ZNF831: variants seen among roughly 807,000 people sequenced by gnomAD.
ZNF831 encodes chromosome 20 open reading frame 174.
Under a neutral mutation model 95.8 loss-of-function variants are expected in ZNF831, and 59 were observed. The ratio of observed to expected loss-of-function variants is 0.62; its 90% confidence interval spans 0.50 to 0.77. The LOEUF (loss-of-function observed/expected upper bound fraction) is 0.77. Ranked by LOEUF, ZNF831 falls within the 30% of genes least tolerant of loss-of-function variation. The pLI is 0.00. For missense variants in ZNF831, 2,205 were observed against 2,164.0 expected (o/e 1.02, Z -0.38); for synonymous variants, 961 against 925.5 (o/e 1.04, Z -0.70).
At position 59,208,304 on chromosome 20, in the gene ZNF831, G is replaced by A. The variant is rs1417345086; in HGVS notation, c.4027+1248G>A. On this transcript the variant is annotated intron_variant, in intron 4 of 5. Transcript: ENST00000371030. This position sits in a 1 kb window ranked among gnomAD's most constrained non-coding sequence, Gnocchi z 4.2. ...ATTGGGCTGTGCTTGATACTGCCAC[G>A]CCCCATGGAGGGCATCTCAGGGCTA... 1.3e-5 allele frequency among the ~76,000 whole-genome samples: 2 copies of A among 152,110 alleles called. No homozygotes were observed. The highest frequency in any genetic ancestry group is 1.9e-4 in the East Asian group (1 of 5,170).
Position 59,125,427 on chromosome 20 carries a change from G to A in ZNF831, c.-1425+1922G>A, listed in dbSNP as rs60747810. Among the ~76,000 whole-genome samples, 1,516 of 152,252 alleles carry A rather than the reference G, an allele frequency of 1.0e-2. 21 individuals are homozygous for A. The highest frequency in any genetic ancestry group is 0.034 in the African/African-American group (1,428 of 41,542). On this transcript the variant is annotated intron_variant, in intron 1 of 7. Coordinates refer to the ZNF831 transcript ENST00000637017. ...TCAGCATGGGGAGCTTGTGGGAAAT[G>A]CAGACTCTGAGGCTCTCCCCACCCC... is the stretch of plus-strand genomic sequence containing the variant.
intron 1 of ZNF831, among the ~76,000 whole-genome samples, chr20:59,142,306 G>T (rs1375553874): frequency 6.6e-6 from 1 of 152,210 alleles, no homozygotes; most frequent in East Asian, 1.9e-4. Context: ...GGAAGCACTT[G>T]AGCTGGGAGC....
chr20:59,181,761 G>C (rs376424817), intron 1 of ZNF831, among the ~76,000 whole-genome samples: 3 of 126,080 alleles, frequency 2.4e-5, no homozygotes, highest in South Asian at 4.5e-4. Flanking sequence ...TGCTGTTTTG[G>C]TTACTGTAGC....
At chr20:59,130,484 G>A (rs1321703423) in intron 1 of ZNF831, among the ~76,000 whole-genome samples, 2 of 152,286 alleles carry the variant, frequency 1.3e-5, no homozygotes, top group African/African-American at 2.4e-5. Context: ...TTGCTGGGGC[G>A]AGGCCCAGAA....
At chr20:59,140,077 G>A (rs1279540664) in intron 1 of ZNF831, among the ~76,000 whole-genome samples, 1 of 152,216 alleles carries the variant, frequency 6.6e-6, no homozygotes, top group African/African-American at 2.4e-5. Context: ...ATTGTGTCAT[G>A]GTTTAATTGG....
chr20:59,182,214 C>T (rs897024787), intron 1 of ZNF831, among the ~76,000 whole-genome samples: 2 of 152,180 alleles, frequency 1.3e-5, no homozygotes, highest in African/African-American at 4.8e-5. Context: ...AAGGTCAGCT[C>T]CCTGTGCTGT....
chr20:59,233,220 C>T (rs1206180211), intron 4 of ZNF831, among the ~76,000 whole-genome samples: 1 of 152,126 alleles, frequency 6.6e-6, no homozygotes, highest in East Asian at 1.9e-4. Flanking sequence ...ATTGTTTTTA[C>T]AACCCAGAGG....
intron 3 of ZNF831, among the ~76,000 whole-genome samples, chr20:59,204,793 AG>A (rs1310097072): frequency 1.3e-5 from 2 of 152,126 alleles, no homozygotes; most frequent in Non-Finnish European, 2.9e-5. Context: ...CCACACCTTG[AG>A]GGGACTTGCA....
chr20:59,247,769 A>G (rs1337910075), intron 4 of ZNF831, among the ~76,000 whole-genome samples: 1 of 152,196 alleles, frequency 6.6e-6, no homozygotes, highest in Non-Finnish European at 1.5e-5. Context: ...TTTGGAATCC[A>G]CATTCATGGA....
intron 4 of ZNF831, among the ~76,000 whole-genome samples, chr20:59,251,525 G>A (rs954459442): frequency 6.6e-6 from 1 of 152,138 alleles, no homozygotes; most frequent in African/African-American, 2.4e-5. Context: ...GAAACTACTA[G>A]AAGTTTTGTG....
intron 1 of ZNF831, among the ~76,000 whole-genome samples, chr20:59,132,755 TCTCAAGCACCC>T (rs1979387317): frequency 6.6e-6 from 1 of 152,250 alleles, no homozygotes; most frequent in African/African-American, 2.4e-5. Flanking sequence ...TTCAACTTCA[TCTCAAGCACCC>T]CTCAGCTGGA....
At position 59,191,185 on chromosome 20, in the gene ZNF831, A is replaced by C. The variant is rs578121837; in HGVS notation, c.166A>C (p.Lys56Gln). ...CCTGGCCCCCCCCACTGTGTTCCTG[A>C]AGGCCCTGCCCATCCCACTGTACCA... is the stretch of plus-strand genomic sequence containing the variant. Reference protein sequence around the residue: ...QGLAPPTVFLKALPIPLYHTV... With the variant: ...QGLAPPTVFLQALPIPLYHTV... Residue 56 changes from lysine (K) to glutamine (Q), a missense_variant, in exon 2 of 6, where the codon AAG (lysine) becomes CAG (glutamine). Physicochemically the swap from Lys to Gln is moderately conservative, Grantham distance 53. Coordinates refer to ENST00000371030, the MANE Select transcript of ZNF831 (RefSeq NM_178457.3). 2 of 1,596,948 alleles carry C rather than the reference A, an allele frequency of 1.3e-6. No homozygotes were observed.
At chr20:59,161,384 T>C (rs1323855533), upstream of ZNF831, among the ~76,000 whole-genome samples, 1 of 152,126 alleles carries the variant, frequency 6.6e-6, no homozygotes, top group Non-Finnish European at 1.5e-5. Context: ...TTCAAGCTAT[T>C]ATCCTGCCTC....
intron 4 of ZNF831, among the ~76,000 whole-genome samples, chr20:59,240,781 G>T (rs545215882): frequency 4.6e-5 from 7 of 152,116 alleles, no homozygotes; most frequent in Non-Finnish European, 1.0e-4. Context: ...CAGCCTGGGC[G>T]ACAGAGCGAG....
At chr20:59,195,149 G>A (rs538864969) in intron 2 of ZNF831, among the ~76,000 whole-genome samples, 1 of 152,186 alleles carries the variant, frequency 6.6e-6, no homozygotes, top group African/African-American at 2.4e-5. Flanking sequence ...CAATAATTGA[G>A]AGAGTCTTTA....
At chr20:59,215,274 A>G (rs538390813) in intron 4 of ZNF831, among the ~76,000 whole-genome samples, 1 of 152,210 alleles carries the variant, frequency 6.6e-6, no homozygotes, top group Non-Finnish European at 1.5e-5. Flanking sequence ...TGGTACACAG[A>G]CTAAAATTGG....
chr20:59,229,370 C>T (rs531934528), intron 4 of ZNF831, among the ~76,000 whole-genome samples: 3 of 152,300 alleles, frequency 2.0e-5, no homozygotes, highest in Admixed American at 1.3e-4. Context: ...GGCATGGCAT[C>T]ACCTCTGTTG....
At chr20:59,234,008 G>A (rs1333305755) in intron 4 of ZNF831, among the ~76,000 whole-genome samples, 1 of 152,232 alleles carries the variant, frequency 6.6e-6, no homozygotes, top group Non-Finnish European at 1.5e-5. Context: ...ATGATGAGCA[G>A]CTTTTTCTAC....
intron 4 of ZNF831, among the ~76,000 whole-genome samples, chr20:59,219,926 G>A (rs923606106): frequency 4.6e-5 from 7 of 152,102 alleles, no homozygotes; most frequent in African/African-American, 7.2e-5. Flanking sequence ...AGGTGGGTGG[G>A]TAGGACGATA....
Sources: gnomAD v4.1 joint callset for allele counts (sites outside exome capture counted in the v4.1 genomes callset) on GRCh38, gnomAD v4.1.1 for gene constraint, Gnocchi (gnomAD v3.1) non-coding constraint, MANE v1.5 for transcripts, NCBI Gene and HGNC (gene_info 2026-07-23, HGNC 2026-07-21) for gene names.